Variants in KCNQ1OT1 observed in about 807,000 individuals in gnomAD.
The protein encoded by KCNQ1OT1 is KCNQ1 opposite strand/antisense transcript 1, also known as KCNQ1 antisense RNA 2 (non-protein coding).
chr11:2,610,659 C>T (rs1403366091), exon 1 of KCNQ1OT1: 3 of 363,802 alleles, frequency 8.2e-6, no homozygotes, highest in Non-Finnish European at 9.4e-6. Context: ...TCTGGGAATG[C>T]TTTTATTTTG....
exon 1 of KCNQ1OT1, chr11:2,629,168 T>C (rs1849310773): frequency 5.0e-6 from 2 of 398,250 alleles, no homozygotes; most frequent in African/African-American, 4.1e-5. Context: ...CTTGAATCTG[T>C]AGATCACTTT....
At position 2,674,826 on chromosome 11, in the gene KCNQ1OT1, G is replaced by GT. The variant is rs368696639; in HGVS notation, n.25168dup. 166 of 218,662 alleles carry GT rather than the reference G, an allele frequency of 7.6e-4. No individual in the cohort carries two copies. The highest frequency in any genetic ancestry group is 6.2e-3 in the African/African-American group (114 of 18,310). The allele number at this position is 218,662 out of a possible 1,614,324, so 13.5% of individuals were successfully genotyped here. ...GGAAAGGCTTGTCACCCTAATAGCT[G>GT]TTTTTTAAAAAAAAAAAAAAAAAAA... On this transcript the variant is annotated non_coding_transcript_exon_variant, in exon 1 of 1. Coordinates refer to ENST00000597346, the Ensembl canonical transcript of KCNQ1OT1. This position sits in a 1 kb window ranked among gnomAD's most constrained non-coding sequence, Gnocchi z 5.9.
In KCNQ1OT1 at chr11:2,657,737, G is replaced by C. The variant is rs970792015; in HGVS notation, n.42258C>G. The C allele has an allele frequency of 5.0e-6, 2 of 398,356 alleles. No individual in the cohort carries two copies. The highest frequency in any genetic ancestry group is 4.4e-5 in the Admixed American group (1 of 22,700). The allele number at this position is 398,356 out of a possible 1,614,324, so 24.7% of individuals were successfully genotyped here. On this transcript the variant is annotated non_coding_transcript_exon_variant, in exon 1 of 1. Coordinates refer to ENST00000597346, the Ensembl canonical transcript of KCNQ1OT1. The surrounding 1 kb of genome is among the most constrained non-coding windows in gnomAD (Gnocchi z 4.8). ...ATTACATTTATTGTCATCTCTGATCGGTGACGGGCTTCTCAGTCTTGTTCT... is the reference window on the plus strand; with the variant it reads ...ATTACATTTATTGTCATCTCTGATCCGTGACGGGCTTCTCAGTCTTGTTCT...
chr11:2,629,049 C>CTTTAGA, exon 1 of KCNQ1OT1: 3 of 398,120 alleles, frequency 7.5e-6, no homozygotes, highest in Non-Finnish European at 1.3e-5. Flanking sequence ...GTTCTTATTG[C>CTTTAGA]TCAAGTATGC....
chr11:2,619,200 T>G (rs1481598298), exon 1 of KCNQ1OT1: 1 of 398,446 alleles, frequency 2.5e-6, no homozygotes, highest in Non-Finnish European at 4.4e-6. Context: ...GTACTAGTAC[T>G]TCCAGTACTA....
rs1336411822 is a variant in KCNQ1OT1, at chr11:2,659,969, AT to A, written n.40025del. ...TTGACCTGATAGGTGATATGCAAAT[AT>A]TCTTTCCAAGTCTGTGCTTTGTCTT... On this transcript the variant is annotated non_coding_transcript_exon_variant, in exon 1 of 1. Coordinates refer to ENST00000597346, the Ensembl canonical transcript of KCNQ1OT1. This position sits in a 1 kb window ranked among gnomAD's most constrained non-coding sequence, Gnocchi z 4.3. 42 of 398,506 alleles carry A rather than the reference AT, an allele frequency of 1.1e-4. No individual in the cohort carries two copies. The highest frequency in any genetic ancestry group is 7.9e-4 in the East Asian group (22 of 28,024). The allele number at this position is 398,506 out of a possible 1,614,324, so 24.7% of individuals were successfully genotyped here.
rs1446976546 is a variant in KCNQ1OT1, at chr11:2,679,111, T to A, written n.20884A>T. On this transcript the variant is annotated non_coding_transcript_exon_variant, in exon 1 of 1. Coordinates refer to ENST00000597346, the Ensembl canonical transcript of KCNQ1OT1. This position sits in a 1 kb window ranked among gnomAD's most constrained non-coding sequence, Gnocchi z 4.8. ...CATAGCTAGAGCTAGAGTGCTGTTA[T>A]AAGCTGTGCAGGCCAAAATGGTTTC... The A allele has an allele frequency of 2.5e-5, 10 of 398,532 alleles. No homozygotes were observed. Among genetic ancestry groups the A allele is most frequent in the Admixed American group, 2.2e-4 (5 of 22,720 alleles). The allele number at this position is 398,532 out of a possible 1,614,324, so 24.7% of individuals were successfully genotyped here.
rs1343106996 is a variant in KCNQ1OT1 at position 2,691,407 on chromosome 11, TG to T, written n.8587del. 7.5e-6 allele frequency: 3 copies of T among 398,556 alleles called. No homozygotes were observed. The highest frequency in any genetic ancestry group is 1.3e-5 in the Non-Finnish European group (3 of 226,098). The allele number at this position is 398,556 out of a possible 1,614,324, so 24.7% of individuals were successfully genotyped here. A position where few individuals can be genotyped will look rare whatever the true frequency, so the allele number is the denominator to read the frequency against. ...CTGGGCATAGAAGCCCAGGAACTGC[TG>T]TCTGTGGGGAGTCCACTGAAGCTCC... is the stretch of plus-strand genomic sequence containing the variant. On this transcript the variant is annotated non_coding_transcript_exon_variant, in exon 1 of 1. Coordinates refer to ENST00000597346, the Ensembl canonical transcript of KCNQ1OT1. This position sits in a 1 kb window ranked among gnomAD's most constrained non-coding sequence, Gnocchi z 6.4.
In KCNQ1OT1 at chr11:2,627,826, C is replaced by T. The variant is rs1479363097; in HGVS notation, n.72169G>A. ...AGTACAGTGGCACAATCACAGTTCA[C>T]TGTAGCCTCAACCTCATGGGCTCAA... On this transcript the variant is annotated non_coding_transcript_exon_variant, in exon 1 of 1. Coordinates refer to ENST00000597346, the Ensembl canonical transcript of KCNQ1OT1. The surrounding 1 kb of genome is among the most constrained non-coding windows in gnomAD (Gnocchi z 4.9). 2.5e-6 allele frequency: 1 copy of T among 398,396 alleles called. No individual in the cohort carries two copies. The highest frequency in any genetic ancestry group is 2.1e-5 in the African/African-American group (1 of 48,616). 24.7% of individuals were successfully genotyped at this position (398,396 alleles called of 1,614,324 possible). A position where few individuals can be genotyped will look rare whatever the true frequency, so the allele number is the denominator to read the frequency against.
exon 1 of KCNQ1OT1, chr11:2,684,003 G>A (rs575223125): frequency 3.8e-5 from 15 of 395,602 alleles, no homozygotes; most frequent in East Asian, 1.8e-4. Flanking sequence ...TGGCAACTCC[G>A]TCTCTCCTTA....
chr11:2,696,066 A>AC (rs1564861265), exon 1 of KCNQ1OT1: 2 of 398,474 alleles, frequency 5.0e-6, no homozygotes, highest in African/African-American at 4.1e-5. Flanking sequence ...AACAGTCTTG[A>AC]CCCTTGCCAT....
Position 2,658,742 on chromosome 11 carries a change from T to C in KCNQ1OT1, n.41253A>G, listed in dbSNP as rs895516172. On this transcript the variant is annotated non_coding_transcript_exon_variant, in exon 1 of 1. Coordinates refer to ENST00000597346, the Ensembl canonical transcript of KCNQ1OT1. The surrounding 1 kb of genome is among the most constrained non-coding windows in gnomAD (Gnocchi z 4.9). Reference sequence around the variant, plus strand: ...ATACATCTTTACATATCTGTATCTATATAAAGCTAACCATGAGTTCATACT... The same window carrying C: ...ATACATCTTTACATATCTGTATCTACATAAAGCTAACCATGAGTTCATACT... The C allele has an allele frequency of 5.0e-6, 2 of 398,490 alleles. No individual in the cohort carries two copies. The highest frequency in any genetic ancestry group is 4.1e-5 in the African/African-American group (2 of 48,618). The allele number at this position is 398,490 out of a possible 1,614,324, so 24.7% of individuals were successfully genotyped here.
At chr11:2,629,798 G>T in exon 1 of KCNQ1OT1, 2 of 398,398 alleles carry the variant, frequency 5.0e-6, no homozygotes, top group Non-Finnish European at 8.9e-6. Flanking sequence ...TACTGAGTTA[G>T]ATTATTACTT....
At chr11:2,640,685 T>A (rs895938494) in exon 1 of KCNQ1OT1, 1 of 398,418 alleles carries the variant, frequency 2.5e-6, no homozygotes, top group Non-Finnish European at 4.4e-6. Flanking sequence ...TCTCTATAGT[T>A]AGGAACATTT....
exon 1 of KCNQ1OT1, chr11:2,648,350 A>G: frequency 2.5e-6 from 1 of 398,366 alleles, no homozygotes; most frequent in East Asian, 3.6e-5. Context: ...GTTCCTTGAG[A>G]TGCGTTTATT....
chr11:2,678,478 C>T lies in KCNQ1OT1; in HGVS notation n.21517G>A, dbSNP rs1199379320. On this transcript the variant is annotated non_coding_transcript_exon_variant, in exon 1 of 1. Transcript: ENST00000597346. This position sits in a 1 kb window ranked among gnomAD's most constrained non-coding sequence, Gnocchi z 4.9. ...ACTGCTACCTTTATCATATTTCAAA[C>T]TCTCATTTAATTTGTGTCCATTTCT... 2 of 398,434 alleles carry T rather than the reference C, an allele frequency of 5.0e-6. No homozygotes were observed. The highest frequency in any genetic ancestry group is 7.1e-5 in the East Asian group (2 of 28,086). The allele number at this position is 398,434 out of a possible 1,614,324, so 24.7% of individuals were successfully genotyped here.
rs952120366 is a variant in KCNQ1OT1, at chr11:2,688,814, C to T, written n.11181G>A. 4 of 398,738 alleles carry T rather than the reference C, an allele frequency of 1.0e-5. No individual in the cohort carries two copies. The East Asian group carries it at 1.4e-4, about 14-fold the overall frequency. 24.7% of individuals were successfully genotyped at this position (398,738 alleles called of 1,614,324 possible). On this transcript the variant is annotated non_coding_transcript_exon_variant, in exon 1 of 1. Transcript: ENST00000597346. Reference sequence around the variant, plus strand: ...CCTCCCCCACACACAGCCCACCTGGCCCATCCCACAAAGAGAGATGGCACT... The same window carrying T: ...CCTCCCCCACACACAGCCCACCTGGTCCATCCCACAAAGAGAGATGGCACT...
chr11:2,619,945 G>A (rs2133802413), exon 1 of KCNQ1OT1: 1 of 365,700 alleles, frequency 2.7e-6, no homozygotes, highest in African/African-American at 2.2e-5. Flanking sequence ...ATGAGGTTTG[G>A]AGTGTGGATA....
exon 1 of KCNQ1OT1, chr11:2,697,478 C>T (rs1466409719): frequency 2.0e-5 from 8 of 398,440 alleles, no homozygotes; most frequent in Non-Finnish European, 3.1e-5. Flanking sequence ...ATCAAGTTTA[C>T]TGAAAAGTTA....
Sources: allele counts gnomAD v4.1 joint callset, GRCh38; gene constraint gnomAD v4.1.1; non-coding constraint Gnocchi (gnomAD v3.1); transcripts MANE v1.5; gene names NCBI Gene and HGNC (gene_info 2026-07-23, HGNC 2026-07-21).